The following ZNF410 variants were observed in gnomAD, a reference collection of about 807,000 sequenced individuals.
The protein encoded by ZNF410 is zinc finger protein 410.
ZNF410 carries 18 observed loss-of-function variants against 54.8 expected under a neutral mutation model. That is an observed-to-expected ratio of 0.33 (90% CI 0.23 to 0.49). ZNF410 has a LOEUF of 0.49. Ranked by LOEUF, ZNF410 falls within the 20% of genes least tolerant of loss-of-function variation. The probability of loss-of-function intolerance (pLI) is 0.99; values close to 1 mark genes in which losing one functional copy is unlikely to be tolerated. For missense variants in ZNF410, 405 were observed against 569.6 expected (o/e 0.71, Z 2.94); for synonymous variants, 191 against 207.3 (o/e 0.92, Z 0.68).
At chr14:73,894,836 T>A (rs548321585) in intron 3 of ZNF410, among the ~76,000 whole-genome samples, 2 of 152,272 alleles carry the variant, frequency 1.3e-5, no homozygotes, top group East Asian at 3.9e-4. Flanking sequence ...ATTTGAGGGT[T>A]GCTTTATGCT....
chr14:73,904,166 TC>T, intron 6 of ZNF410, 56 bp downstream of exon 6: 3 of 1,565,432 alleles, frequency 1.9e-6, no homozygotes, highest in Non-Finnish European at 2.6e-6. Context: ...AGTTGATTCT[TC>T]CAGAGGAACT....
intron 8 of ZNF410, chr14:73,916,124 GGAT>G (rs988591028): frequency 6.6e-6 from 1 of 151,986 alleles, no homozygotes; most frequent in Non-Finnish European, 1.5e-5. Context: ...AAGGAAGGAA[GGAT>G]GAGAGGAAGG....
intron 8 of ZNF410, among the ~76,000 whole-genome samples, chr14:73,918,685 CCTTT>C (rs2055706854): frequency 8.2e-6 from 1 of 122,694 alleles, no homozygotes. Flanking sequence ...TTTCATATGG[CCTTT>C]TTTTTTTTTT....
At chr14:73,919,749 G>C (rs927632151) in intron 8 of ZNF410, among the ~76,000 whole-genome samples, 1 of 152,146 alleles carries the variant, frequency 6.6e-6, no homozygotes, top group African/African-American at 2.4e-5. Flanking sequence ...CATTGAACAT[G>C]TGAGGGCAAG....
intron 8 of ZNF410, chr14:73,912,990 A>G (rs923555690): frequency 1.3e-5 from 2 of 151,920 alleles, no homozygotes; most frequent in African/African-American, 4.8e-5. Flanking sequence ...TCACCTAGAT[A>G]TTAAGCCCAG....
chr14:73,916,391 G>A (rs2055667469), intron 8 of ZNF410: 1 of 152,120 alleles, frequency 6.6e-6, no homozygotes, highest in South Asian at 2.1e-4. Context: ...TGCCTTGTTA[G>A]GCTGGTCTTG....
chr14:73,901,104 A>T (rs1452344174), intron 5 of ZNF410, among the ~76,000 whole-genome samples: 1 of 152,238 alleles, frequency 6.6e-6, no homozygotes, highest in Non-Finnish European at 1.5e-5. Context: ...AAGTTGTTTG[A>T]AATACAGAAA....
At chr14:73,894,558 C>T in intron 3 of ZNF410, 1 of 624,206 alleles carries the variant, frequency 1.6e-6, no homozygotes, top group South Asian at 1.9e-5. Context: ...TCCTAAGTAG[C>T]TGGGATTACA....
chr14:73,929,649 C>A (rs961554233), intron 11 of ZNF410, among the ~76,000 whole-genome samples: 1 of 151,796 alleles, frequency 6.6e-6, no homozygotes, highest in Non-Finnish European at 1.5e-5. Context: ...CCAGCCTGGG[C>A]AACACAGGAA....
chr14:73,912,903 G>T (rs1189889272), intron 8 of ZNF410, among the ~76,000 whole-genome samples: 1 of 151,602 alleles, frequency 6.6e-6, no homozygotes, highest in Non-Finnish European at 1.5e-5. Flanking sequence ...TTTAGTTCAG[G>T]GGTACATGTG....
intron 11 of ZNF410, among the ~76,000 whole-genome samples, chr14:73,927,396 T>C (rs1175925649): frequency 6.6e-6 from 1 of 152,178 alleles, no homozygotes; most frequent in Non-Finnish European, 1.5e-5. Context: ...GATTCTTTTA[T>C]ACAAGAAATA....
rs951816603 is a variant in ZNF410 at position 73,903,878 on chromosome 14, A to G, written c.581-82A>G. On this transcript the variant is annotated intron_variant, in intron 5 of 11. Coordinates refer to ENST00000555044, the MANE Select transcript of ZNF410 (RefSeq NM_021188.3). ...TACCTGATTAATGATCACTAGGAGT[A>G]AAATATAGGAGCTTTATTGTTTGAG... 5 of 1,538,786 alleles carry G rather than the reference A, an allele frequency of 3.2e-6. No homozygotes were observed. The African/African-American group carries it at 6.9e-5, about 21-fold the overall frequency.
chr14:73,924,546 G>C (rs1333831146), intron 11 of ZNF410, among the ~76,000 whole-genome samples: 3 of 152,224 alleles, frequency 2.0e-5, no homozygotes, highest in Non-Finnish European at 4.4e-5. Context: ...CACTGGTCTT[G>C]TGTCATGGGA....
At chr14:73,906,582 G>A (rs1447485747) in intron 7 of ZNF410, among the ~76,000 whole-genome samples, 1 of 152,152 alleles carries the variant, frequency 6.6e-6, no homozygotes, top group Non-Finnish European at 1.5e-5. Context: ...CTGGGTTCAA[G>A]CTTTTCTCAT....
At chr14:73,896,687 AGG>A in intron 4 of ZNF410, 153 bp downstream of exon 4, 1 of 646,080 alleles carries the variant, frequency 1.5e-6, no homozygotes, top group Non-Finnish European at 2.6e-6. Context: ...GAATATGTAG[AGG>A]GAGAGGGAGG....
At chr14:73,898,315 TA>T in intron 5 of ZNF410, 53 bp downstream of exon 5, 1 of 1,582,920 alleles carries the variant, frequency 6.3e-7, no homozygotes, top group Non-Finnish European at 8.7e-7. Context: ...GAGATTTTGG[TA>T]ATGCAGTGGC....
intron 3 of ZNF410, 83 bp from the exon 4 acceptor site, chr14:73,896,233 A>C: frequency 1.1e-5 from 11 of 969,846 alleles, no homozygotes; most frequent in Middle Eastern, 3.0e-4. Context: ...TTAGCTTCCA[A>C]GAGATGTTGG....
rs753360181 is a variant in ZNF410 at position 73,931,531 on chromosome 14, G to A, written c.1427G>A (p.Arg476Lys). Residue 476 changes from arginine (R) to lysine (K), a missense_variant, in exon 12 of 12, where the codon AGA becomes AAA. Around this residue, in one of 3 missense-constraint regions of ZNF410, gnomAD observed 127 missense variants for 141.3 expected, o/e 0.90. Transcript: ENST00000555044. ...ELLNQGDLTE[R>K]RT ...CTAAACCAAGGAGATTTAACTGAAAGACGGACATGAGCGTGGGTGCTGACT... is the reference window on the plus strand; with the variant it reads ...CTAAACCAAGGAGATTTAACTGAAAAACGGACATGAGCGTGGGTGCTGACT... The A allele has an allele frequency of 6.2e-7, 1 of 1,608,118 alleles. No individual in the cohort carries two copies. Among genetic ancestry groups the A allele is most frequent in the South Asian group, 1.1e-5 (1 of 89,872 alleles).
rs764447000 is a variant in ZNF410, at chr14:73,892,122, G to C, written c.-54G>C. ...ATAACAGGAAGGTATCATTGGCTCT[G>C]AATTAAATTTGAACTTGTCCCCTGA... On this transcript the variant is annotated 5_prime_UTR_variant, in exon 2 of 12. An upstream open reading frame in the 5' UTR loses its in-frame stop. Coordinates refer to ENST00000555044, the MANE Select transcript of ZNF410 (RefSeq NM_021188.3). The C allele has an allele frequency of 6.3e-7, 1 of 1,590,788 alleles. No homozygotes were observed. Among genetic ancestry groups the C allele is most frequent in the South Asian group, 1.1e-5 (1 of 90,570 alleles).
Sources: allele counts gnomAD v4.1 joint callset (sites outside exome capture counted in the v4.1 genomes callset), GRCh38; gene constraint gnomAD v4.1.1; regional missense constraint gnomAD v4.1.1; transcripts MANE v1.5; gene names NCBI Gene and HGNC (gene_info 2026-07-23, HGNC 2026-07-21).